The following MTHFD2L variants were observed in gnomAD, a reference collection of about 807,000 sequenced individuals.
MTHFD2L encodes bifunctional methylenetetrahydrofolate dehydrogenase/cyclohydrolase 2, mitochondrial.
A neutral mutation model predicts 34.9 loss-of-function variants in MTHFD2L; 29 were observed. The ratio of observed to expected loss-of-function variants is 0.83; its 90% confidence interval spans 0.62 to 1.13. The LOEUF is 1.13. MTHFD2L is among the 50% of genes most tolerant of loss of function. The pLI is 0.00. For synonymous variants in MTHFD2L, 167 were observed against 155.7 expected, an observed-to-expected ratio of 1.07 and a Z score of -0.54; for missense variants, 481 against 446.5, an observed-to-expected ratio of 1.08 and a Z score of -0.70.
chr4:74,185,429 C>G (rs1375087134), intron 3 of MTHFD2L, among the ~76,000 whole-genome samples: 1 of 151,602 alleles, frequency 6.6e-6, no homozygotes, highest in African/African-American at 2.4e-5. Context: ...GTAGGAACAT[C>G]AGAGCAAATT....
chr4:74,239,023 GAC>G (rs1254909129), intron 6 of MTHFD2L, among the ~76,000 whole-genome samples: 1 of 152,162 alleles, frequency 6.6e-6, no homozygotes, highest in African/African-American at 2.4e-5. Context: ...CTACTATAAA[GAC>G]ACATGCACAT....
At chr4:74,135,805 A>G (rs1271717151) in intron 1 of MTHFD2L, among the ~76,000 whole-genome samples, 1 of 152,120 alleles carries the variant, frequency 6.6e-6, no homozygotes, top group Non-Finnish European at 1.5e-5. Flanking sequence ...CCAGAGATAC[A>G]GGATGGTTCA....
upstream of MTHFD2L, chr4:74,158,040 G>T (rs1416861413): frequency 2.0e-6 from 3 of 1,507,330 alleles, no homozygotes; most frequent in African/African-American, 2.8e-5. Flanking sequence ...GCTACTTGCT[G>T]CCCTGCCAGC....
intron 1 of MTHFD2L, among the ~76,000 whole-genome samples, chr4:74,135,070 C>A (rs1490204765): frequency 2.6e-5 from 4 of 152,108 alleles, no homozygotes; most frequent in Non-Finnish European, 5.9e-5. Flanking sequence ...TAAGAGAATA[C>A]TTTCCAAAAC....
At chr4:74,225,147 G>C (rs1037726322) in intron 5 of MTHFD2L, among the ~76,000 whole-genome samples, 155 bp from the exon 6 acceptor site, 18 of 151,954 alleles carry the variant, frequency 1.2e-4, no homozygotes, top group African/African-American at 4.3e-4. Flanking sequence ...GGTTCCTCTT[G>C]GTTTTCTTGT....
At chr4:74,290,227 A>C (rs1340503596) in intron 7 of MTHFD2L, among the ~76,000 whole-genome samples, 1 of 152,204 alleles carries the variant, frequency 6.6e-6, no homozygotes, top group Non-Finnish European at 1.5e-5. Flanking sequence ...AGGTCAGGAA[A>C]GGGTTTGGAA....
intron 6 of MTHFD2L, among the ~76,000 whole-genome samples, chr4:74,262,207 C>G (rs564706919): frequency 1.6e-4 from 24 of 151,994 alleles, no homozygotes; most frequent in South Asian, 4.1e-4. Context: ...TCTAGTTAAA[C>G]TCCTACTCAC....
chr4:74,284,829 G>C (rs1041253742), intron 7 of MTHFD2L, among the ~76,000 whole-genome samples: 8 of 152,160 alleles, frequency 5.3e-5, no homozygotes, highest in African/African-American at 1.9e-4. Flanking sequence ...ACCCAGCCAT[G>C]CCATTGCTGG....
chr4:74,158,188 G>A lies in MTHFD2L; in HGVS notation c.50G>A (p.Arg17Gln), dbSNP rs1465763755. 2.6e-6 allele frequency: 4 copies of A among 1,526,022 alleles called. No individual in the cohort carries two copies. The highest frequency in any genetic ancestry group is 1.8e-4 in the Middle Eastern group (1 of 5,544). 94.5% of individuals were successfully genotyped at this position (1,526,022 alleles called of 1,614,324 possible). A position where few individuals can be genotyped will look rare whatever the true frequency, so the allele number is the denominator to read the frequency against. Residue 17 changes from arginine (R) to glutamine (Q), a missense_variant, in exon 1 of 8, where the codon CGA becomes CAA. By Grantham distance (43) the Arg-to-Gln change is conservative. Transcript: ENST00000325278. ...TCGCTGCTCCGCGGCCGCCTTGGCC[G>A]AGCGCCGGCGTTGGGCAGAAGCACA... ...GFSLLRGRLG[R>Q]APALGRSTAP...
At chr4:74,228,733 A>G (rs1266843417) in intron 6 of MTHFD2L, among the ~76,000 whole-genome samples, 4 of 152,210 alleles carry the variant, frequency 2.6e-5, no homozygotes, top group African/African-American at 9.7e-5. Flanking sequence ...AGAAGACAGG[A>G]AAAGAAAAAG....
In MTHFD2L at chr4:74,301,846, A is replaced by C; in HGVS notation, c.*37A>C. 1 of 1,292,438 alleles carries C rather than the reference A, an allele frequency of 7.7e-7. No homozygotes were observed. The highest frequency in any genetic ancestry group is 1.1e-6 in the Non-Finnish European group (1 of 909,768). 80.1% of individuals were successfully genotyped at this position (1,292,438 alleles called of 1,614,324 possible). ...GGATAAAGCAAACTGAAGTCATGCT[A>C]TTTGTTTATTTGACAAAGGGTAAAA... On this transcript the variant is annotated 3_prime_UTR_variant, in exon 8 of 8. Coordinates refer to ENST00000325278, the MANE Select transcript of MTHFD2L (RefSeq NM_001144978.3).
chr4:74,222,520 G>T (rs577537333), intron 5 of MTHFD2L, among the ~76,000 whole-genome samples: 3 of 152,020 alleles, frequency 2.0e-5, no homozygotes, highest in Non-Finnish European at 2.9e-5. Flanking sequence ...CCTGTTAAAG[G>T]TTCCACCTCT....
intron 1 of MTHFD2L, among the ~76,000 whole-genome samples, chr4:74,127,085 T>C (rs1722134294): frequency 6.7e-6 from 1 of 148,978 alleles, no homozygotes; most frequent in South Asian, 2.1e-4. Flanking sequence ...TCTGCCATGA[T>C]TGTAAGTTTC....
chr4:74,209,994 C>T (rs1736023432), intron 5 of MTHFD2L, among the ~76,000 whole-genome samples: 1 of 152,200 alleles, frequency 6.6e-6, no homozygotes, highest in South Asian at 2.1e-4. Context: ...TAAATGTCTT[C>T]TTTTAAAAAG....
intron 6 of MTHFD2L, among the ~76,000 whole-genome samples, chr4:74,256,542 T>C (rs942586173): frequency 6.6e-6 from 1 of 152,214 alleles, no homozygotes; most frequent in Non-Finnish European, 1.5e-5. Flanking sequence ...TATATTTAAA[T>C]CTTCAATCCA....
chr4:74,161,482 A>C (rs1725454667), intron 1 of MTHFD2L: 1 of 152,224 alleles, frequency 6.6e-6, no homozygotes, highest in Admixed American at 6.5e-5. Flanking sequence ...TCTGGCTACA[A>C]TTTTGATTTC....
intron 7 of MTHFD2L, among the ~76,000 whole-genome samples, chr4:74,291,783 G>GT (rs1748997111): frequency 6.6e-6 from 1 of 152,132 alleles, no homozygotes; most frequent in African/African-American, 2.4e-5. Context: ...GTTTTTAACT[G>GT]TATCATTTTT....
At chr4:74,119,090 G>T (rs1721705267), upstream of MTHFD2L, among the ~76,000 whole-genome samples, 2 of 152,178 alleles carry the variant, frequency 1.3e-5, no homozygotes, top group African/African-American at 4.8e-5. Context: ...TCAGTGAGTG[G>T]CAGGTGATAA....
chr4:74,170,782 G>T (rs1350450363), intron 1 of MTHFD2L, among the ~76,000 whole-genome samples: 1 of 151,812 alleles, frequency 6.6e-6, no homozygotes, highest in African/African-American at 2.4e-5. Context: ...TATACACCAT[G>T]GGCTACTATG....
Sources: gnomAD v4.1 joint callset for allele counts (sites outside exome capture counted in the v4.1 genomes callset) on GRCh38, gnomAD v4.1.1 for gene constraint, MANE v1.5 for transcripts, NCBI Gene and HGNC (gene_info 2026-07-23, HGNC 2026-07-21) for gene names.